Variants in STK3 observed in about 807,000 individuals in gnomAD.
STK3 encodes the protein serine/threonine-protein kinase 3.
In STK3, 41 loss-of-function variants were observed where a neutral mutation model predicts 58.0. The observed-to-expected ratio is 0.71, with a 90% CI of 0.55 to 0.92. The LOEUF is 0.92. Ranked by LOEUF, STK3 falls within the 40% of genes least tolerant of loss-of-function variation. The pLI is 0.00. For synonymous variants in STK3, 170 were observed against 191.0 expected, an observed-to-expected ratio of 0.89 and a Z score of 0.91; for missense variants, 479 against 602.7, an observed-to-expected ratio of 0.79 and a Z score of 2.15.
chr8:98,597,960 T>C, intron 6 of STK3: 1 of 984,798 alleles, frequency 1.0e-6, no homozygotes. Flanking sequence ...AAAAAATGAG[T>C]AAAATGGGGT....
chr8:98,529,065 G>A (rs955095585), intron 9 of STK3, among the ~76,000 whole-genome samples: 15 of 152,260 alleles, frequency 9.9e-5, no homozygotes, highest in African/African-American at 3.6e-4. Flanking sequence ...AACCTAGATT[G>A]CATTTGTAAT....
intron 1 of STK3, among the ~76,000 whole-genome samples, chr8:98,820,310 A>G (rs1245946567): frequency 6.6e-6 from 1 of 152,184 alleles, no homozygotes; most frequent in Non-Finnish European, 1.5e-5. Flanking sequence ...ACCTGTCTTG[A>G]GAGTAAGTAT....
chr8:98,789,620 T>C (rs919751175), intron 1 of STK3, among the ~76,000 whole-genome samples: 1 of 152,154 alleles, frequency 6.6e-6, no homozygotes, highest in African/African-American at 2.4e-5. Context: ...AAGGCTACTA[T>C]GAACCCCTTT....
chr8:98,569,708 G>A (rs1812807409), intron 8 of STK3, among the ~76,000 whole-genome samples: 1 of 151,822 alleles, frequency 6.6e-6, no homozygotes, highest in Non-Finnish European at 1.5e-5. Flanking sequence ...TATTTACACA[G>A]TTATAACTAT....
At chr8:98,667,082 C>G (rs1004585259) in intron 6 of STK3, among the ~76,000 whole-genome samples, 5 of 152,216 alleles carry the variant, frequency 3.3e-5, no homozygotes, top group African/African-American at 1.2e-4. Context: ...CTGTCAATTA[C>G]TTTTCTAATT....
intron 6 of STK3, among the ~76,000 whole-genome samples, chr8:98,626,483 G>A (rs973690525): frequency 3.9e-5 from 6 of 152,144 alleles, no homozygotes; most frequent in Non-Finnish European, 5.9e-5. Context: ...TGGAAGAGCT[G>A]AATGACTGCA....
chr8:98,643,486 G>C (rs759139528), intron 6 of STK3, among the ~76,000 whole-genome samples: 2 of 152,080 alleles, frequency 1.3e-5, no homozygotes, highest in Non-Finnish European at 2.9e-5. Flanking sequence ...CTTTAGCTTA[G>C]ATATCTCCTT....
chr8:98,540,470 C>G (rs765026031), intron 9 of STK3, among the ~76,000 whole-genome samples: 1 of 152,000 alleles, frequency 6.6e-6, no homozygotes, highest in Non-Finnish European at 1.5e-5. Context: ...TTAGGATCCT[C>G]GTTCTATCCT....
intron 2 of STK3, among the ~76,000 whole-genome samples, chr8:98,375,396 A>G (rs1817664093): frequency 6.6e-6 from 1 of 152,242 alleles, no homozygotes. Flanking sequence ...TGGCATGAAT[A>G]TCTACCTAGA....
chr8:98,799,943 C>A (rs1833411872), intron 1 of STK3, among the ~76,000 whole-genome samples: 1 of 152,188 alleles, frequency 6.6e-6, no homozygotes, highest in African/African-American at 2.4e-5. Context: ...GGACTCTGCA[C>A]CTTCCTAGGG....
At chr8:98,432,540 G>A (rs997560304) in intron 3 of STK3, 9 of 167,064 alleles carry the variant, frequency 5.4e-5, no homozygotes, top group African/African-American at 1.7e-4. Flanking sequence ...TTTGTAGCTC[G>A]TAAGGTAGTA....
chr8:98,475,855 C>T lies in STK3; in HGVS notation c.1318-19855G>A, dbSNP rs565655825. Among the ~76,000 whole-genome samples, 267 of 152,296 alleles carry T rather than the reference C, an allele frequency of 1.8e-3. 1 individual carries two copies. Among genetic ancestry groups the T allele is most frequent in the African/African-American group, 6.1e-3 (254 of 41,576 alleles). ...CTAGTTCCTCCTCTAGAATTTCTTG[C>T]TTTTTCTGCCTATGACCTTCTCAGC... On this transcript the variant is annotated intron_variant, in intron 10 of 10. Coordinates refer to ENST00000419617, the MANE Select transcript of STK3 (RefSeq NM_006281.4).
At chr8:98,749,670 A>G (rs1025076284) in intron 3 of STK3, among the ~76,000 whole-genome samples, 1 of 152,090 alleles carries the variant, frequency 6.6e-6, no homozygotes, top group Non-Finnish European at 1.5e-5. Context: ...AGAACTTACT[A>G]CTTAACATGA....
At chr8:98,375,125 C>T (rs1817659593) in intron 2 of STK3, among the ~76,000 whole-genome samples, 1 of 151,740 alleles carries the variant, frequency 6.6e-6, no homozygotes, top group Non-Finnish European at 1.5e-5. Flanking sequence ...CATGGTGGCT[C>T]ATGCCTGTAG....
chr8:98,837,354 G>A (rs1835783477), intron 3 of STK3, among the ~76,000 whole-genome samples: 1 of 147,578 alleles, frequency 6.8e-6, no homozygotes, highest in Admixed American at 6.7e-5. Context: ...ATAACAGGCT[G>A]GAGCTCAGCA....
chr8:98,460,163 C>T (rs1033714800), intron 10 of STK3, among the ~76,000 whole-genome samples: 4 of 152,342 alleles, frequency 2.6e-5, no homozygotes, highest in African/African-American at 7.2e-5. Flanking sequence ...TACCCAAGAC[C>T]ATGGGAGCCC....
chr8:98,654,676 C>T (rs1587180179), intron 6 of STK3, among the ~76,000 whole-genome samples: 1 of 152,076 alleles, frequency 6.6e-6, no homozygotes, highest in African/African-American at 2.4e-5. Flanking sequence ...CACAAGCATT[C>T]TTATACACCA....
intron 4 of STK3, 115 bp from the exon 5 acceptor site, chr8:98,707,426 G>C: frequency 1.3e-6 from 1 of 771,188 alleles, no homozygotes. Flanking sequence ...TTTTTTTTAA[G>C]AGACCCCACT....
chr8:98,940,624 T>A (rs1587878471), intron 1 of STK3, among the ~76,000 whole-genome samples: 1 of 151,772 alleles, frequency 6.6e-6, no homozygotes, highest in African/African-American at 2.4e-5. Context: ...TCCGTGGGAG[T>A]GGGGCAGCCT....
Sources: gnomAD v4.1 joint callset for allele counts (sites outside exome capture counted in the v4.1 genomes callset) on GRCh38, gnomAD v4.1.1 for gene constraint, MANE v1.5 for transcripts, NCBI Gene and HGNC (gene_info 2026-07-23, HGNC 2026-07-21) for gene names.